Variants in MACROD2 observed in about 807,000 individuals in gnomAD.
MACROD2 encodes ADP-ribose glycohydrolase MACROD2.
A neutral mutation model predicts 70.4 loss-of-function variants in MACROD2; 36 were observed. That is an observed-to-expected ratio of 0.51 (90% CI 0.39 to 0.68). The LOEUF is 0.68. Among genes scored for constraint, MACROD2 ranks in the 30% least tolerant of loss-of-function variants. The pLI is 0.00. For synonymous variants in MACROD2, 172 were observed against 178.8 expected (o/e 0.96, Z 0.30); for missense variants, 496 against 538.4 (o/e 0.92, Z 0.78).
At chr20:14,688,901 T>TA (rs1407657327) in intron 5 of MACROD2, among the ~76,000 whole-genome samples, 1 of 152,164 alleles carries the variant, frequency 6.6e-6, no homozygotes, top group Non-Finnish European at 1.5e-5. Context: ...ACCTGAAAAA[T>TA]AGTTTTTAAA....
chr20:15,488,190 G>T (rs1419102502), intron 7 of MACROD2, among the ~76,000 whole-genome samples: 1 of 152,120 alleles, frequency 6.6e-6, no homozygotes, highest in East Asian at 1.9e-4. Context: ...CACGTGCATG[G>T]AGTGTCTAGG....
chr20:14,955,120 CTT>C (rs1184002973), intron 5 of MACROD2, among the ~76,000 whole-genome samples: 2 of 14,938 alleles, frequency 1.3e-4, no homozygotes, highest in African/African-American at 2.3e-4. Context: ...TTATATATAA[CTT>C]ATATATTATA....
intron 1 of MACROD2, among the ~76,000 whole-genome samples, chr20:14,000,259 C>G (rs1363092491): frequency 6.6e-6 from 1 of 152,062 alleles, no homozygotes; most frequent in East Asian, 1.9e-4. Context: ...TCAACTTCTT[C>G]AATGTCCTAT....
At chr20:15,337,512 A>G (rs1255496752) in intron 6 of MACROD2, among the ~76,000 whole-genome samples, 11 of 151,908 alleles carry the variant, frequency 7.2e-5, no homozygotes, top group Non-Finnish European at 1.2e-4. Flanking sequence ...AATTACATAT[A>G]TTTGTTGTTT....
intron 3 of MACROD2, among the ~76,000 whole-genome samples, chr20:14,454,566 T>A (rs1016562594): frequency 1.6e-4 from 24 of 151,908 alleles, no homozygotes; most frequent in Admixed American, 8.5e-4. Context: ...AGTGGTTTAG[T>A]TTCTCAGTAA....
At chr20:15,444,401 G>T (rs144345493) in intron 7 of MACROD2, among the ~76,000 whole-genome samples, 21 of 152,258 alleles carry the variant, frequency 1.4e-4, no homozygotes, top group African/African-American at 4.8e-4. Flanking sequence ...CACTATAAAT[G>T]TAAAACAGTG....
chr20:14,929,721 A>C (rs777459830), intron 5 of MACROD2, among the ~76,000 whole-genome samples: 70 of 152,194 alleles, frequency 4.6e-4, no homozygotes, highest in South Asian at 1.9e-3. Flanking sequence ...TCACCTTATT[A>C]ACGTAAACTC....
intron 3 of MACROD2, among the ~76,000 whole-genome samples, chr20:14,448,762 A>G (rs1600247491): frequency 6.8e-6 from 1 of 147,458 alleles, no homozygotes; most frequent in East Asian, 2.0e-4. Flanking sequence ...ATTCATGATT[A>G]CATCTCATCA....
chr20:14,719,474 A>AAAAAAAAAAAAAGAAAGAAAG (rs1491488556), intron 5 of MACROD2, among the ~76,000 whole-genome samples: 2 of 2,450 alleles, frequency 8.2e-4, no homozygotes, highest in East Asian at 0.013. Context: ...AGATAGAAAG[A>AAAAAAAAAAAAAGAAAGAAAG]AAAAAAAAAA....
In MACROD2 at chr20:15,539,716, G is replaced by T. The variant is rs568798678; in HGVS notation, c.645+39869G>T. On this transcript the variant is annotated intron_variant, in intron 8 of 17. Coordinates refer to ENST00000684519, the MANE Select transcript of MACROD2 (RefSeq NM_001351661.2). ...CTTAGAAGGTTCTTGAGCCGGGCACGGTGGCTCATGCCTGTTATCCCAGCA... is the reference window on the plus strand; with the variant it reads ...CTTAGAAGGTTCTTGAGCCGGGCACTGTGGCTCATGCCTGTTATCCCAGCA... Among the ~76,000 whole-genome samples, 490 of 152,310 alleles carry T rather than the reference G, an allele frequency of 3.2e-3. 2 individuals carry two copies. The highest frequency in any genetic ancestry group is 6.8e-3 in the Middle Eastern group (2 of 294).
intron 5 of MACROD2, among the ~76,000 whole-genome samples, chr20:14,862,289 T>TTA (rs1483716539): frequency 7.0e-5 from 1 of 14,306 alleles, no homozygotes; most frequent in South Asian, 3.2e-3. Context: ...TTATATATAT[T>TTA]TATATAAATA....
intron 5 of MACROD2, among the ~76,000 whole-genome samples, chr20:14,979,483 T>C (rs1163231371): frequency 6.6e-6 from 1 of 152,122 alleles, no homozygotes. Flanking sequence ...GAGAAAGAAA[T>C]ATTCTCTCAA....
At chr20:15,932,731 C>A (rs972128642) in intron 10 of MACROD2, among the ~76,000 whole-genome samples, 4 of 152,118 alleles carry the variant, frequency 2.6e-5, no homozygotes, top group African/African-American at 9.7e-5. Flanking sequence ...CTTCATTGCA[C>A]CTGACCAGTT....
chr20:14,845,871 G>A (rs574215378), intron 5 of MACROD2, among the ~76,000 whole-genome samples: 4 of 152,044 alleles, frequency 2.6e-5, no homozygotes, highest in African/African-American at 4.8e-5. Flanking sequence ...TCCCCCAAAC[G>A]GCATTTTTTA....
At chr20:14,657,962 A>G (rs1044059048) in intron 4 of MACROD2, among the ~76,000 whole-genome samples, 1 of 149,548 alleles carries the variant, frequency 6.7e-6, no homozygotes, top group Non-Finnish European at 1.5e-5. Flanking sequence ...CCAAGACAGT[A>G]TGGACATAGT....
At chr20:14,820,859 GCA>G (rs1006679794) in intron 5 of MACROD2, among the ~76,000 whole-genome samples, 15 of 152,094 alleles carry the variant, frequency 9.9e-5, no homozygotes, top group African/African-American at 3.6e-4. Flanking sequence ...TATAGCATTT[GCA>G]CAGTGTTCAC....
intron 5 of MACROD2, among the ~76,000 whole-genome samples, chr20:15,084,274 GC>G (rs1275915062): frequency 6.6e-6 from 1 of 151,776 alleles, no homozygotes; most frequent in Non-Finnish European, 1.5e-5. Context: ...CACCATATTG[GC>G]CATGCTGGTC....
chr20:14,426,880 T>C (rs555350384), intron 3 of MACROD2, among the ~76,000 whole-genome samples: 1 of 152,284 alleles, frequency 6.6e-6, no homozygotes, highest in Admixed American at 6.5e-5. Context: ...CTTTACCCCT[T>C]AGCCCTTATT....
intron 1 of MACROD2, among the ~76,000 whole-genome samples, chr20:13,998,968 A>G (rs1419494388): frequency 6.6e-6 from 1 of 152,002 alleles, no homozygotes; most frequent in East Asian, 1.9e-4. Context: ...AAAAAAAAAA[A>G]AAAAATTCAC....
Sources: gnomAD v4.1 joint callset for allele counts (sites outside exome capture counted in the v4.1 genomes callset) on GRCh38, gnomAD v4.1.1 for gene constraint, MANE v1.5 for transcripts, NCBI Gene and HGNC (gene_info 2026-07-23, HGNC 2026-07-21) for gene names.